DACH2: variants seen among roughly 807,000 people sequenced by gnomAD.
DACH2 encodes dachshund family transcription factor 2.
DACH2 carries 17 observed loss-of-function variants against 35.8 expected under a neutral mutation model. The ratio of observed to expected loss-of-function variants is 0.48; its 90% CI spans 0.33 to 0.71. The LOEUF is 0.71. Among genes scored for constraint, DACH2 ranks in the 30% least tolerant of loss-of-function variants. The pLI, the probability that DACH2 is intolerant of heterozygous loss-of-function variation, is 0.02. For synonymous variants in DACH2, 195 were observed against 177.3 expected, an observed-to-expected ratio of 1.10 and a Z score of -0.79; for missense variants, 469 against 472.7, an observed-to-expected ratio of 0.99 and a Z score of 0.07.
chrX:86,630,276 T>C (rs2040185118), intron 3 of DACH2, among the ~76,000 whole-genome samples: 1 of 110,724 alleles, frequency 9.0e-6, no homozygotes, highest in South Asian at 3.8e-4. Flanking sequence ...TGTATGACAT[T>C]AGACAAGTTA....
chrX:86,427,717 A>G (rs2036917844), intron 2 of DACH2, among the ~76,000 whole-genome samples: 1 of 112,023 alleles, frequency 8.9e-6, no homozygotes, highest in Admixed American at 9.5e-5. Context: ...AAAGCCTTAA[A>G]TATATAATCT....
At chrX:86,371,728 G>A (rs184466206) in intron 1 of DACH2, among the ~76,000 whole-genome samples, 1 of 110,891 alleles carries the variant, frequency 9.0e-6, no homozygotes, top group East Asian at 2.9e-4. Context: ...TCATCTAAGA[G>A]TGAGGAAAGA....
At position 86,149,011 on chromosome X, in the gene DACH2, C is replaced by T; in HGVS notation, c.391C>T (p.Leu131Phe). 8.3e-7 allele frequency: 1 copy of T among 1,210,883 alleles called. No individual in the cohort carries two copies. The highest frequency in any genetic ancestry group is 1.1e-6 in the Non-Finnish European group (1 of 894,973). Residue 131 changes from leucine to phenylalanine, a missense_variant, in exon 1 of 12, where the codon CTC becomes TTC. Physicochemically the swap from Leu to Phe is conservative, Grantham distance 22. This residue lies in a region of DACH2 where 99 missense variants were observed against 114.3 expected (regional missense o/e 0.87). Coordinates refer to ENST00000373125, the MANE Select transcript of DACH2 (RefSeq NM_053281.3). ...GTGTACTGTTGAGCAGGTCCGGATC[C>T]TCCGCGGGCTGGGGGCCATCCAGCC... ...VVCTVEQVRI[L>F]RGLGAIQPGV...
chrX:86,563,656 A>C (rs1223615472), intron 3 of DACH2, among the ~76,000 whole-genome samples: 1 of 110,467 alleles, frequency 9.1e-6, no homozygotes, highest in Admixed American at 9.7e-5. Context: ...ACATGTAGTC[A>C]TGTAAGCAGT....
intron 1 of DACH2, among the ~76,000 whole-genome samples, chrX:86,213,452 A>G (rs1319866848): frequency 9.0e-6 from 1 of 111,195 alleles, no homozygotes; most frequent in African/African-American, 3.3e-5. Flanking sequence ...ATTATTTTTC[A>G]TCATAACATC....
chrX:86,258,498 G>C (rs1249214653), intron 1 of DACH2, among the ~76,000 whole-genome samples: 1 of 111,558 alleles, frequency 9.0e-6, no homozygotes, highest in African/African-American at 3.3e-5. Flanking sequence ...ACTGAAATAA[G>C]TGATTATTTT....
chrX:86,628,701 T>C (rs2040165050), intron 3 of DACH2, among the ~76,000 whole-genome samples: 2 of 112,245 alleles, frequency 1.8e-5, no homozygotes, highest in South Asian at 7.4e-4. Flanking sequence ...GTAGTTGCTC[T>C]CTGCAGCAAC....
At chrX:86,513,598 A>T (rs766222443) in intron 2 of DACH2, among the ~76,000 whole-genome samples, 2 of 112,408 alleles carry the variant, frequency 1.8e-5, no homozygotes, top group Non-Finnish European at 3.8e-5. Flanking sequence ...TAATGTTATA[A>T]GTTTATCATC....
chrX:86,437,079 C>G (rs760297038), intron 2 of DACH2, among the ~76,000 whole-genome samples: 21 of 111,375 alleles, frequency 1.9e-4, no homozygotes, highest in African/African-American at 6.8e-4. Flanking sequence ...TTGTATTACT[C>G]TATTCCAGAA....
chrX:86,800,217 A>G (rs144751887), intron 7 of DACH2, among the ~76,000 whole-genome samples: 3,389 of 111,751 alleles, frequency 0.03, 126 homozygotes, highest in African/African-American at 0.1. Flanking sequence ...TCACCACCAC[A>G]CTCTTCAATT....
At chrX:86,605,749 T>C (rs1290597323) in intron 3 of DACH2, among the ~76,000 whole-genome samples, 1 of 110,745 alleles carries the variant, frequency 9.0e-6, no homozygotes, top group Non-Finnish European at 1.9e-5. Context: ...TGGATGCTTT[T>C]TTTTTCCTTT....
chrX:86,305,459 G>A (rs897777604), intron 1 of DACH2, among the ~76,000 whole-genome samples: 4 of 111,699 alleles, frequency 3.6e-5, no homozygotes, highest in South Asian at 7.4e-4. Flanking sequence ...TGTAAGGCTC[G>A]AAACTATAGA....
At chrX:86,724,531 T>C (rs1244265361) in intron 6 of DACH2, among the ~76,000 whole-genome samples, 4 of 111,962 alleles carry the variant, frequency 3.6e-5, no homozygotes, top group Non-Finnish European at 5.6e-5. Flanking sequence ...AATTCTCTTC[T>C]GGCCTGTAAC....
intron 3 of DACH2, among the ~76,000 whole-genome samples, chrX:86,644,343 A>G (rs1016901311): frequency 1.2e-4 from 13 of 111,445 alleles, no homozygotes; most frequent in Non-Finnish European, 2.5e-4. Flanking sequence ...AAATTAAAAT[A>G]CCTAGGAATA....
chrX:86,218,372 A>T (rs930320714), intron 1 of DACH2, among the ~76,000 whole-genome samples: 1 of 111,989 alleles, frequency 8.9e-6, no homozygotes, highest in Non-Finnish European at 1.9e-5. Context: ...CTCCTCAAAA[A>T]TAGCTATTAA....
chrX:86,832,501 T>G lies in DACH2; in HGVS notation c.*346T>G, dbSNP rs1180254750. Reference sequence around the variant, plus strand: ...GTGTGTTAGAGACTAGAAAGTTATATGTATGGTTTCCCTGTTCTACTATAC... The same window carrying G: ...GTGTGTTAGAGACTAGAAAGTTATAGGTATGGTTTCCCTGTTCTACTATAC... On this transcript the variant is annotated 3_prime_UTR_variant, in exon 12 of 12. Coordinates refer to ENST00000373125, the MANE Select transcript of DACH2 (RefSeq NM_053281.3). 5 of 168,780 alleles carry G rather than the reference T, an allele frequency of 3.0e-5. No homozygotes were observed. Among genetic ancestry groups the G allele is most frequent in the Non-Finnish European group, 5.4e-5 (5 of 92,088 alleles). The allele number at this position is 168,780 out of a possible 1,213,427, so 13.9% of individuals were successfully genotyped here. A position where few individuals can be genotyped will look rare whatever the true frequency, so the allele number is the denominator to read the frequency against.
chrX:86,704,509 C>G (rs1000065875), intron 5 of DACH2, among the ~76,000 whole-genome samples: 1 of 111,318 alleles, frequency 9.0e-6, no homozygotes, highest in Non-Finnish European at 1.9e-5. Context: ...AGTAAACAGC[C>G]AACTCACAGA....
intron 1 of DACH2, among the ~76,000 whole-genome samples, chrX:86,361,424 A>T (rs2035737793): frequency 9.0e-6 from 1 of 111,592 alleles, no homozygotes; most frequent in Admixed American, 9.6e-5. Context: ...TCCAACAATT[A>T]TCTTGGTATT....
At chrX:86,280,520 C>T (rs773125741) in intron 1 of DACH2, among the ~76,000 whole-genome samples, 11 of 111,825 alleles carry the variant, frequency 9.8e-5, no homozygotes, top group African/African-American at 3.3e-4. Flanking sequence ...GAAAGACCAT[C>T]GACACTATGA....
Sources: allele counts gnomAD v4.1 joint callset (sites outside exome capture counted in the v4.1 genomes callset), GRCh38; gene constraint gnomAD v4.1.1; regional missense constraint gnomAD v4.1.1; transcripts MANE v1.5; gene names NCBI Gene and HGNC (gene_info 2026-07-23, HGNC 2026-07-21).